Variants in SPATS2 observed in about 807,000 individuals in gnomAD.
The protein encoded by SPATS2 is spermatogenesis associated serine rich 2.
In SPATS2, 38 loss-of-function variants were observed where a neutral mutation model predicts 63.7. That is an observed-to-expected ratio of 0.60 (90% CI 0.46 to 0.78). SPATS2 has a LOEUF of 0.78. Among genes scored for constraint, SPATS2 ranks in the 30% least tolerant of loss-of-function variants. SPATS2 has a pLI of 0.00. For synonymous variants in SPATS2, 207 were observed against 232.9 expected, an observed-to-expected ratio of 0.89 and a Z score of 1.01; for missense variants, 588 against 666.2, an observed-to-expected ratio of 0.88 and a Z score of 1.29.
Position 49,516,198 on chromosome 12 carries a change from T to TAA in SPATS2, c.898+1586_898+1587insAA, listed in dbSNP as rs1206356951. Among the ~76,000 whole-genome samples, 63 of 55,250 alleles carry TAA rather than the reference T, an allele frequency of 1.1e-3. 7 individuals are homozygous for TAA. Among genetic ancestry groups the TAA allele is most frequent in the African/African-American group, 5.1e-3 (59 of 11,646 alleles). The allele number at this position is 55,250 out of a possible 152,430, so 36.2% of individuals were successfully genotyped here. On this transcript the variant is annotated intron_variant, in intron 10 of 13. Coordinates refer to ENST00000552918, the MANE Select transcript of SPATS2 (RefSeq NM_023071.4). ...ATATATATATATATATATATATATA[T>TAA]ATATATATATAAATCAGGCATGGGG...
intron 2 of SPATS2, among the ~76,000 whole-genome samples, chr12:49,426,807 T>G (rs1363265442): frequency 2.0e-5 from 3 of 152,226 alleles, no homozygotes; most frequent in Non-Finnish European, 2.9e-5. Context: ...CCTCCCAAAG[T>G]GCTGGGATTA....
intron 8 of SPATS2, among the ~76,000 whole-genome samples, chr12:49,497,710 A>G (rs534411494): frequency 1.8e-4 from 28 of 152,224 alleles, no homozygotes; most frequent in African/African-American, 6.0e-4. Context: ...GACATTTTAA[A>G]GAAATATTTT....
chr12:49,439,756 C>G (rs1340071354), intron 2 of SPATS2, among the ~76,000 whole-genome samples: 1 of 152,114 alleles, frequency 6.6e-6, no homozygotes, highest in Non-Finnish European at 1.5e-5. Flanking sequence ...TTCAGGTATC[C>G]ACTGATGCTG....
chr12:49,437,129 G>A (rs1413351267), intron 2 of SPATS2, among the ~76,000 whole-genome samples: 1 of 151,556 alleles, frequency 6.6e-6, no homozygotes, highest in African/African-American at 2.4e-5. Flanking sequence ...GCTGCCGGGT[G>A]GAGGGGCTCC....
intron 2 of SPATS2, among the ~76,000 whole-genome samples, chr12:49,393,344 C>T (rs1944453074): frequency 6.6e-6 from 1 of 152,070 alleles, no homozygotes; most frequent in Admixed American, 6.6e-5. Context: ...ATTTTAGCAG[C>T]CATTGATTGT....
At position 49,526,883 on chromosome 12, in the gene SPATS2, A is replaced by G. The variant is rs539329347; in HGVS notation, c.*628A>G. 1.3e-5 allele frequency: 2 copies of G among 151,720 alleles called. No homozygotes were observed. The highest frequency in any genetic ancestry group is 1.3e-4 in the Admixed American group (2 of 15,150). The allele number at this position is 151,720 out of a possible 1,614,324, so 9.4% of individuals were successfully genotyped here. ...AATGCCTTGTTTCCTATTACCTTAG[A>G]TTGCAAACCAGTCTAGGGAAGTCTA... is the stretch of plus-strand genomic sequence containing the variant. On this transcript the variant is annotated 3_prime_UTR_variant, in exon 14 of 14. Coordinates refer to ENST00000552918, the MANE Select transcript of SPATS2 (RefSeq NM_023071.4).
chr12:49,425,084 A>C (rs114069257), intron 2 of SPATS2, among the ~76,000 whole-genome samples: 2,052 of 152,238 alleles, frequency 0.013, 46 homozygotes, highest in African/African-American at 0.041. Flanking sequence ...TTTTGGCATT[A>C]ATTACACCCT....
intron 3 of SPATS2, among the ~76,000 whole-genome samples, chr12:49,482,272 A>G (rs965965130): frequency 3.3e-5 from 5 of 152,164 alleles, no homozygotes; most frequent in African/African-American, 1.2e-4. Context: ...GGCTTACTTA[A>G]GTTTGGCCAC....
At chr12:49,485,213 C>T (rs2137839412) in intron 4 of SPATS2, among the ~76,000 whole-genome samples, 1 of 151,614 alleles carries the variant, frequency 6.6e-6, no homozygotes, top group East Asian at 1.9e-4. Flanking sequence ...ACTACAGGCG[C>T]CCACCACCAT....
At chr12:49,489,866 A>G in intron 5 of SPATS2, among the ~76,000 whole-genome samples, 1 of 152,206 alleles carries the variant, frequency 6.6e-6, no homozygotes, top group East Asian at 1.9e-4. Context: ...ACTTGGGTTG[A>G]ATAAGAATTT....
intron 2 of SPATS2, among the ~76,000 whole-genome samples, chr12:49,423,235 C>T (rs763913083): frequency 3.2e-4 from 49 of 151,668 alleles, no homozygotes; most frequent in Non-Finnish European, 3.1e-4. Context: ...TGGGTTCAAG[C>T]GATTCTCCTG....
intron 2 of SPATS2, among the ~76,000 whole-genome samples, chr12:49,453,856 C>CTTTTTTTTTTTTTTTTTTTTTTTTTTTTT: frequency 1.3e-5 from 1 of 76,196 alleles, no homozygotes; most frequent in Non-Finnish European, 2.4e-5. Flanking sequence ...AAATAGCATT[C>CTTTTTTTTTTTTTTTTTTTTTTTTTTTTT]TTTTTTTTTT....
At chr12:49,470,190 C>T (rs932252574) in intron 3 of SPATS2, among the ~76,000 whole-genome samples, 1 of 151,982 alleles carries the variant, frequency 6.6e-6, no homozygotes, top group African/African-American at 2.4e-5. Flanking sequence ...CACCACCACG[C>T]CCAGCTAATT....
chr12:49,406,929 G>A (rs1292797079), intron 2 of SPATS2, among the ~76,000 whole-genome samples: 1 of 152,166 alleles, frequency 6.6e-6, no homozygotes, highest in Non-Finnish European at 1.5e-5. Flanking sequence ...CCAAACTTGT[G>A]TATCCCACTG....
At chr12:49,410,483 A>T (rs1944779481) in intron 2 of SPATS2, among the ~76,000 whole-genome samples, 1 of 152,138 alleles carries the variant, frequency 6.6e-6, no homozygotes, top group Non-Finnish European at 1.5e-5. Context: ...GACAGAGAGG[A>T]TCCTTGCCCA....
intron 6 of SPATS2, 127 bp from the exon 7 acceptor site, chr12:49,494,614 A>G (rs971122029): frequency 8.3e-6 from 8 of 958,436 alleles, no homozygotes; most frequent in Non-Finnish European, 1.0e-5. Context: ...AAAATATTAA[A>G]TTTCTGAAAG....
At chr12:49,446,863 T>C (rs1945519999) in intron 2 of SPATS2, among the ~76,000 whole-genome samples, 1 of 152,166 alleles carries the variant, frequency 6.6e-6, no homozygotes, top group African/African-American at 2.4e-5. Flanking sequence ...GAGATATCTT[T>C]AGAATTCTGC....
chr12:49,493,099 T>TA (rs559171414), intron 6 of SPATS2, among the ~76,000 whole-genome samples: 276 of 126,410 alleles, frequency 2.2e-3, no homozygotes, highest in Middle Eastern at 7.9e-3. Flanking sequence ...ACTCCGTCTT[T>TA]AAAAAAAAAA....
At chr12:49,459,290 TGCCTGCCC>T (rs923526410) in intron 2 of SPATS2, among the ~76,000 whole-genome samples, 14 of 152,310 alleles carry the variant, frequency 9.2e-5, no homozygotes, top group Middle Eastern at 6.8e-3. Context: ...TGTCCCGGTG[TGCCTGCCC>T]ACCAGACACC....
Sources: allele counts gnomAD v4.1 joint callset (sites outside exome capture counted in the v4.1 genomes callset), GRCh38; gene constraint gnomAD v4.1.1; transcripts MANE v1.5; gene names NCBI Gene and HGNC (gene_info 2026-07-23, HGNC 2026-07-21).